The following PDE3A variants were observed in gnomAD, a reference collection of about 807,000 sequenced individuals.
PDE3A encodes phosphodiesterase 3A.
In PDE3A, 43 loss-of-function variants were observed where a neutral mutation model predicts 98.3. The ratio of observed to expected loss-of-function variants is 0.44; its 90% CI spans 0.34 to 0.56. PDE3A has a LOEUF of 0.56. Ranked by LOEUF, PDE3A falls within the 20% of genes least tolerant of loss-of-function variation. PDE3A has a pLI of 0.01. For synonymous variants in PDE3A, 663 were observed against 567.9 expected (o/e 1.17, Z -2.38); for missense variants, 1,427 against 1,440.7 (o/e 0.99, Z 0.15).
At position 20,659,454 on chromosome 12, in the gene PDE3A, G is replaced by A. The variant is rs115539542; in HGVS notation, c.3184+5249G>A. On this transcript the variant is annotated intron_variant, in intron 15 of 15. Coordinates refer to ENST00000359062, the MANE Select transcript of PDE3A (RefSeq NM_000921.5). Reference sequence around the variant, plus strand: ...TTGGCTTTTTTTCTTTCATTATTGTGCTATTATTAAGACTTTTCTTTTTTT... The same window carrying A: ...TTGGCTTTTTTTCTTTCATTATTGTACTATTATTAAGACTTTTCTTTTTTT... 2.6e-5 allele frequency among the ~76,000 whole-genome samples: 4 copies of A among 151,878 alleles called. 1 individual carries two copies. The South Asian group carries it at 8.3e-4, about 32-fold the overall frequency.
chr12:20,490,096 AC>A (rs1324522842), intron 1 of PDE3A, among the ~76,000 whole-genome samples: 3 of 152,206 alleles, frequency 2.0e-5, no homozygotes, highest in Non-Finnish European at 2.9e-5. Flanking sequence ...GATGGGTTTA[AC>A]ATTTCACATT....
intron 1 of PDE3A, among the ~76,000 whole-genome samples, chr12:20,419,788 A>G (rs1944481844): frequency 1.5e-5 from 2 of 130,926 alleles, no homozygotes; most frequent in South Asian, 4.8e-4. Flanking sequence ...CCCAGGCTGG[A>G]GTGCAGTGGC....
At chr12:20,634,879 A>G (rs756643408) in intron 7 of PDE3A, 23 bp from the exon 8 acceptor site, 2 of 1,585,760 alleles carry the variant, frequency 1.3e-6, no homozygotes, top group South Asian at 2.2e-5. Flanking sequence ...ATCTTGTAAT[A>G]AGTTGTTCTC....
At chr12:20,395,528 A>G (rs1943997385) in intron 1 of PDE3A, among the ~76,000 whole-genome samples, 1 of 147,686 alleles carries the variant, frequency 6.8e-6, no homozygotes, top group Admixed American at 6.8e-5. Context: ...ATGTGTACAC[A>G]TAGTATAATA....
At chr12:20,498,637 A>C (rs200458629) in intron 1 of PDE3A, among the ~76,000 whole-genome samples, 1 of 152,278 alleles carries the variant, frequency 6.6e-6, no homozygotes, top group East Asian at 1.9e-4. Flanking sequence ...CATGGATATC[A>C]AGAGATGACT....
intron 2 of PDE3A, among the ~76,000 whole-genome samples, chr12:20,568,419 A>G (rs1339703113): frequency 6.6e-6 from 1 of 152,078 alleles, no homozygotes; most frequent in East Asian, 1.9e-4. Context: ...AAGACATTCT[A>G]TGTTCGTCAT....
intron 6 of PDE3A, among the ~76,000 whole-genome samples, chr12:20,630,627 T>C (rs1188176197): frequency 3.3e-5 from 5 of 152,182 alleles, no homozygotes; most frequent in African/African-American, 1.2e-4. Flanking sequence ...ATTTAAGCAA[T>C]TGTATGTGCT....
intron 1 of PDE3A, among the ~76,000 whole-genome samples, chr12:20,484,689 A>T (rs1945694137): frequency 6.6e-6 from 1 of 152,150 alleles, no homozygotes; most frequent in African/African-American, 2.4e-5. Context: ...TAATTTTTAT[A>T]CGTAGGATAA....
intron 1 of PDE3A, among the ~76,000 whole-genome samples, chr12:20,543,960 T>C (rs1288473873): frequency 2.0e-5 from 3 of 151,858 alleles, no homozygotes; most frequent in African/African-American, 7.2e-5. Context: ...TTATATAACT[T>C]GTCAAGATCA....
chr12:20,552,843 G>C lies in PDE3A; in HGVS notation c.961-3817G>C. 1 of 1,613,930 alleles carries C rather than the reference G, an allele frequency of 6.2e-7. No homozygotes were observed. The highest frequency in any genetic ancestry group is 8.5e-7 in the Non-Finnish European group (1 of 1,179,834). On this transcript the variant is annotated intron_variant, in intron 1 of 15. Coordinates refer to ENST00000359062, the MANE Select transcript of PDE3A (RefSeq NM_000921.5). This position sits in a 1 kb window ranked among gnomAD's most constrained non-coding sequence, Gnocchi z 5.1. ...TGGTGTTCCGGCCCATCACGACCGT[G>C]TGCCAGCACAACGTGTGCAAGGACT...
At chr12:20,542,859 T>A (rs1941954869) in intron 1 of PDE3A, among the ~76,000 whole-genome samples, 1 of 152,036 alleles carries the variant, frequency 6.6e-6, no homozygotes, top group Non-Finnish European at 1.5e-5. Flanking sequence ...GAATGTGTCT[T>A]TTCACGGGGC....
At position 20,596,166 on chromosome 12, in the gene PDE3A, T is replaced by C. The variant is rs746693924; in HGVS notation, c.1012-17277T>C. 9.2e-5 allele frequency among the ~76,000 whole-genome samples: 14 copies of C among 152,186 alleles called. 1 individual carries two copies. The highest frequency in any genetic ancestry group is 6.5e-4 in the Admixed American group (10 of 15,278). The stretch of plus-strand genomic sequence containing the variant: ...ACCATACAAACACTCTGTGGAAGCA[T>C]TGACTGAACTAGCAATTATGTCTAC... On this transcript the variant is annotated intron_variant, in intron 2 of 15. Coordinates refer to ENST00000359062, the MANE Select transcript of PDE3A (RefSeq NM_000921.5).
chr12:20,655,503 G>A (rs1173789090), intron 15 of PDE3A, among the ~76,000 whole-genome samples: 1 of 152,144 alleles, frequency 6.6e-6, no homozygotes, highest in Non-Finnish European at 1.5e-5. Flanking sequence ...GCTGTTTCTG[G>A]TTGGGCCAGT....
At chr12:20,645,146 C>T (rs1006286928) in intron 10 of PDE3A, among the ~76,000 whole-genome samples, 1 of 151,924 alleles carries the variant, frequency 6.6e-6, no homozygotes, top group African/African-American at 2.4e-5. Flanking sequence ...ACCTCAGCCT[C>T]CCAAAATGCT....
At position 20,637,166 on chromosome 12, in the gene PDE3A, A is replaced by G; in HGVS notation, c.2068A>G (p.Asn690Asp). ...CCTGGACTCAATTATGGAGCAGCTA[A>G]ATACTTGGAATTTTCCAATTTTTGA... ...DNLDSIMEQLNTWNFPIFDLV... is the reference protein window; with the variant it reads ...DNLDSIMEQLDTWNFPIFDLV... Residue 690 changes from asparagine to aspartate, a missense_variant, in exon 9 of 16, where the codon AAT becomes GAT. Physicochemically the swap from Asn to Asp is conservative, Grantham distance 23 (BLOSUM62 1). Coordinates refer to ENST00000359062, the MANE Select transcript of PDE3A (RefSeq NM_000921.5). 1 of 1,609,734 alleles carries G rather than the reference A, an allele frequency of 6.2e-7. No individual in the cohort carries two copies. Among genetic ancestry groups the G allele is most frequent in the Non-Finnish European group, 8.5e-7 (1 of 1,176,658 alleles).
chr12:20,471,535 G>C (rs1945440286), intron 1 of PDE3A, among the ~76,000 whole-genome samples: 1 of 152,042 alleles, frequency 6.6e-6, no homozygotes, highest in Non-Finnish European at 1.5e-5. Context: ...TCCCCTCTGG[G>C]TTCCCCTTAC....
chr12:20,674,085 G>C (rs1048002117), intron 15 of PDE3A, among the ~76,000 whole-genome samples: 7 of 152,028 alleles, frequency 4.6e-5, no homozygotes, highest in Non-Finnish European at 7.4e-5. Flanking sequence ...TATTGTAAAA[G>C]GGATTGCCTT....
intron 1 of PDE3A, among the ~76,000 whole-genome samples, chr12:20,407,912 T>G (rs929833276): frequency 6.6e-6 from 1 of 152,074 alleles, no homozygotes; most frequent in African/African-American, 2.4e-5. Flanking sequence ...AAATGTATTT[T>G]CTATTTTTAT....
At chr12:20,463,909 C>A (rs1232391688) in intron 1 of PDE3A, among the ~76,000 whole-genome samples, 20 of 152,062 alleles carry the variant, frequency 1.3e-4, no homozygotes, top group Admixed American at 1.2e-3. Context: ...TTGTTTTAGA[C>A]TTTTCTATTT....
Sources: gnomAD v4.1 joint callset for allele counts (sites outside exome capture counted in the v4.1 genomes callset) on GRCh38, gnomAD v4.1.1 for gene constraint, Gnocchi (gnomAD v3.1) non-coding constraint, MANE v1.5 for transcripts, NCBI Gene and HGNC (gene_info 2026-07-23, HGNC 2026-07-21) for gene names.